NBAS: variants seen among roughly 807,000 people sequenced by gnomAD.
NBAS encodes the protein NBAS subunit of NRZ tethering complex, also known as NAG/BC035112 fusion.
A neutral mutation model predicts 302.5 loss-of-function variants in NBAS; 219 were observed. The ratio of observed to expected loss-of-function variants is 0.72; its 90% CI spans 0.65 to 0.81. NBAS has a LOEUF of 0.81. NBAS is among the 30% of genes least tolerant of loss of function. The pLI, the probability that NBAS is intolerant of heterozygous loss-of-function variation, is 0.00. For synonymous variants in NBAS, 1,118 were observed against 1,021.6 expected, an observed-to-expected ratio of 1.09 and a Z score of -1.80; for missense variants, 2,932 against 2,841.6, an observed-to-expected ratio of 1.03 and a Z score of -0.72.
At chr2:15,527,856 C>T (rs916008112) in intron 9 of NBAS, among the ~76,000 whole-genome samples, 7 of 152,236 alleles carry the variant, frequency 4.6e-5, no homozygotes, top group Middle Eastern at 3.4e-3. Flanking sequence ...TTACGTGTGG[C>T]GTGAACCAGT....
chr2:14,846,788 T>C, the NBAS span, among the ~76,000 whole-genome samples: 2 of 152,040 alleles, frequency 1.3e-5, no homozygotes, highest in African/African-American at 2.4e-5. Context: ...GCAAGCCTCA[T>C]GTAGCCTCAA....
the NBAS span, among the ~76,000 whole-genome samples, chr2:14,969,503 G>A: frequency 5.3e-5 from 8 of 151,928 alleles, no homozygotes; most frequent in East Asian, 1.4e-3. Flanking sequence ...CAGCCTCCTG[G>A]GTAGCTGGGA....
intron 30 of NBAS, among the ~76,000 whole-genome samples, chr2:15,378,497 T>C (rs1471806923): frequency 2.0e-5 from 3 of 152,200 alleles, no homozygotes; most frequent in African/African-American, 7.2e-5. Context: ...ATAAACCCAT[T>C]GCAAGTTGAA....
chr2:15,263,039 C>T (rs1312682430), intron 44 of NBAS, among the ~76,000 whole-genome samples: 1 of 152,172 alleles, frequency 6.6e-6, no homozygotes, highest in Non-Finnish European at 1.5e-5. Context: ...TCAGCTTGGG[C>T]CACCATCATC....
the NBAS span, among the ~76,000 whole-genome samples, chr2:14,852,673 A>G: frequency 4.8e-5 from 7 of 146,524 alleles, no homozygotes; most frequent in Non-Finnish European, 9.0e-5. Context: ...TTCAAACTAT[A>G]CTACAAGGCT....
chr2:15,461,136 T>G (rs1482083879), intron 21 of NBAS, 65 bp downstream of exon 21: 8 of 1,426,134 alleles, frequency 5.6e-6, no homozygotes, highest in South Asian at 2.4e-5. Flanking sequence ...TTTAAGGTGT[T>G]CAGCATGACA....
At chr2:14,905,438 G>A in the NBAS span, among the ~76,000 whole-genome samples, 23 of 152,266 alleles carry the variant, frequency 1.5e-4, no homozygotes, top group East Asian at 1.7e-3. Flanking sequence ...ATGCTGCTCA[G>A]TGCCTCCTGT....
the NBAS span, among the ~76,000 whole-genome samples, chr2:14,814,530 T>C: frequency 6.6e-6 from 1 of 152,202 alleles, no homozygotes; most frequent in African/African-American, 2.4e-5. Context: ...AGGTCTGTGG[T>C]CCCTTTGTTT....
the NBAS span, among the ~76,000 whole-genome samples, chr2:14,966,029 A>G: frequency 2.0e-5 from 3 of 152,214 alleles, no homozygotes; most frequent in Admixed American, 6.5e-5. Flanking sequence ...CACAAGAAGG[A>G]CAGCAAGTGG....
At chr2:15,260,238 A>G (rs1057434983) in intron 44 of NBAS, among the ~76,000 whole-genome samples, 2 of 152,190 alleles carry the variant, frequency 1.3e-5, no homozygotes, top group African/African-American at 4.8e-5. Context: ...TACATGAGTA[A>G]AAAAGGTTCA....
chr2:14,820,064 G>A, the NBAS span, among the ~76,000 whole-genome samples: 49 of 152,272 alleles, frequency 3.2e-4, no homozygotes, highest in African/African-American at 1.2e-3. Context: ...ACTCTTGGTG[G>A]GAATGTGAAT....
chr2:15,284,183 G>A (rs1234560608), intron 42 of NBAS, among the ~76,000 whole-genome samples: 1 of 149,382 alleles, frequency 6.7e-6, no homozygotes, highest in East Asian at 1.9e-4. Context: ...AAAGAGTCCA[G>A]CAACTCAAAA....
Position 15,186,634 on chromosome 2 carries a change from T to C in NBAS, c.6711+108A>G, listed in dbSNP as rs966908790. ...CAGAAATTATGGCCTTTACCAGTAA[T>C]TACTTAAGCTAAATGTTCCTCAAAT... On this transcript the variant is annotated intron_variant, in intron 50 of 51. Transcript: ENST00000281513. 6 of 1,509,858 alleles carry C rather than the reference T, an allele frequency of 4.0e-6. No individual in the cohort carries two copies. In the African/African-American group the frequency reaches 6.9e-5, roughly 17 times the overall value. The allele number at this position is 1,509,858 out of a possible 1,614,324, so 93.5% of individuals were successfully genotyped here.
chr2:15,377,860 A>G (rs1338746824), intron 30 of NBAS, among the ~76,000 whole-genome samples: 1 of 152,242 alleles, frequency 6.6e-6, no homozygotes, highest in African/African-American at 2.4e-5. Context: ...ATATACAGGT[A>G]TAACATGCAA....
the NBAS span, among the ~76,000 whole-genome samples, chr2:15,134,452 C>CTCTCTCTCTT: frequency 6.6e-6 from 1 of 152,052 alleles, no homozygotes; most frequent in Non-Finnish European, 1.5e-5. Context: ...CAAACTAAGA[C>CTCTCTCTCTT]TCTCTCTCTT....
At chr2:15,183,635 G>C (rs1664932482) in intron 50 of NBAS, among the ~76,000 whole-genome samples, 1 of 152,212 alleles carries the variant, frequency 6.6e-6, no homozygotes, top group Non-Finnish European at 1.5e-5. Context: ...GATCCAGAGA[G>C]TTTGGGGCTT....
the NBAS span, among the ~76,000 whole-genome samples, chr2:15,140,174 G>A: frequency 0.71 from 107,376 of 152,104 alleles, 38,454 homozygotes; most frequent in Non-Finnish European, 0.79. Flanking sequence ...TCCTCACTGA[G>A]GTTCCAGTGA....
intron 44 of NBAS, among the ~76,000 whole-genome samples, chr2:15,248,565 C>A (rs1204323078): frequency 6.6e-6 from 1 of 151,992 alleles, no homozygotes; most frequent in Non-Finnish European, 1.5e-5. Flanking sequence ...AGACCACTAG[C>A]CAGACTAATA....
At chr2:15,062,135 C>T in the NBAS span, among the ~76,000 whole-genome samples, 4 of 152,140 alleles carry the variant, frequency 2.6e-5, no homozygotes, top group Admixed American at 6.5e-5. Context: ...TAGGTCCTTC[C>T]GGGATTCTCC....
Sources: allele counts gnomAD v4.1 joint callset (sites outside exome capture counted in the v4.1 genomes callset), GRCh38; gene constraint gnomAD v4.1.1; transcripts MANE v1.5; gene names NCBI Gene and HGNC (gene_info 2026-07-23, HGNC 2026-07-21).